The following ZFYVE28 variants were observed in gnomAD, a reference collection of about 807,000 sequenced individuals.
ZFYVE28 encodes lateral signaling target protein 2 homolog.
ZFYVE28 carries 40 observed loss-of-function variants against 82.1 expected under a neutral mutation model. That is an observed-to-expected ratio of 0.49 (90% CI 0.38 to 0.63). The LOEUF is 0.63. Ranked by LOEUF, ZFYVE28 falls within the 30% of genes least tolerant of loss-of-function variation. ZFYVE28 has a pLI of 0.00. For synonymous variants in ZFYVE28, 612 were observed against 546.1 expected, an observed-to-expected ratio of 1.12 and a Z score of -1.68; for missense variants, 1,321 against 1,242.1, an observed-to-expected ratio of 1.06 and a Z score of -0.96.
At chr4:2,286,870 C>T (rs1349000129) in intron 8 of ZFYVE28, 1 of 152,134 alleles carries the variant, frequency 6.6e-6, no homozygotes, top group Non-Finnish European at 1.5e-5. Flanking sequence ...GCGACTGTGA[C>T]CTTTTTTAGA....
intron 6 of ZFYVE28, among the ~76,000 whole-genome samples, chr4:2,334,915 G>A (rs1297731681): frequency 2.9e-5 from 4 of 139,472 alleles, no homozygotes; most frequent in African/African-American, 7.7e-5. Flanking sequence ...TCACTCCTCC[G>A]CCCCCGTGAC....
chr4:2,351,669 G>C (rs111570756), intron 2 of ZFYVE28, among the ~76,000 whole-genome samples: 3 of 152,160 alleles, frequency 2.0e-5, no homozygotes, highest in Non-Finnish European at 4.4e-5. Flanking sequence ...AGCCGAGATC[G>C]TATGACTGCA....
In ZFYVE28 at chr4:2,368,761, T is replaced by A. The variant is rs529593113; in HGVS notation, c.40-14688A>T. Among the ~76,000 whole-genome samples, 5 of 152,366 alleles carry A rather than the reference T, an allele frequency of 3.3e-5. No homozygotes were observed. In the East Asian group the frequency reaches 9.6e-4, roughly 29 times the overall value. ...CACTGCTCCCACCTTTTGGCTACTA[T>A]GAATAGTGCTGCTATAAGCAAGTTT... On this transcript the variant is annotated intron_variant, in intron 1 of 12. Transcript: ENST00000290974.
At chr4:2,302,796 T>C (rs1715773528) in intron 8 of ZFYVE28, among the ~76,000 whole-genome samples, 1 of 152,252 alleles carries the variant, frequency 6.6e-6, no homozygotes, top group East Asian at 1.9e-4. Flanking sequence ...GAACGGCGTG[T>C]TGCCGTGTGC....
chr4:2,320,542 GTA>G lies in ZFYVE28; in HGVS notation c.702-273_702-272del, dbSNP rs1467928403. 6.6e-6 allele frequency among the ~76,000 whole-genome samples: 1 copy of G among 152,248 alleles called. No homozygotes were observed. The highest frequency in any genetic ancestry group is 1.5e-5 in the Non-Finnish European group (1 of 68,048). ...GGGGTCATAAAGTAATCAGAAAAGTGTATCTGCACACATCAGTGCTGCAATCA... is the reference window on the plus strand; with the variant it reads ...GGGGTCATAAAGTAATCAGAAAAGTGTCTGCACACATCAGTGCTGCAATCA... On this transcript the variant is annotated intron_variant, in intron 6 of 12. Transcript: ENST00000290974. The surrounding 1 kb of genome is among the most constrained non-coding windows in gnomAD (Gnocchi z 5.1).
intron 10 of ZFYVE28, among the ~76,000 whole-genome samples, chr4:2,272,704 G>C (rs528398322): frequency 6.6e-6 from 1 of 152,294 alleles, no homozygotes; most frequent in African/African-American, 2.4e-5. Flanking sequence ...AGGCGGGTTC[G>C]GGGTGGGCAG....
At chr4:2,319,854 T>TGGTGGGGATGGTGGGGACGGTGGGGAC (rs1718800381) in intron 7 of ZFYVE28, among the ~76,000 whole-genome samples, 1 of 145,078 alleles carries the variant, frequency 6.9e-6, no homozygotes, top group Non-Finnish European at 1.5e-5. Flanking sequence ...ACGGTGGGGA[T>TGGTGGGGATGGTGGGGACGGTGGGGAC]GGTGGGGACA....
chr4:2,284,204 G>A (rs1029944609), intron 8 of ZFYVE28, among the ~76,000 whole-genome samples: 1 of 152,206 alleles, frequency 6.6e-6, no homozygotes, highest in African/African-American at 2.4e-5. Context: ...GAGTCAGCCA[G>A]CCTGCAAATG....
intron 10 of ZFYVE28, 47 bp from the exon 11 acceptor site, chr4:2,271,826 A>G: frequency 6.4e-7 from 1 of 1,568,792 alleles, no homozygotes; most frequent in Admixed American, 1.7e-5. Context: ...GAGGCGGGCA[A>G]TTGATGCAGG....
chr4:2,399,995 C>G (rs1441626411), intron 1 of ZFYVE28, among the ~76,000 whole-genome samples: 1 of 152,236 alleles, frequency 6.6e-6, no homozygotes, highest in African/African-American at 2.4e-5. Context: ...GTGCCGGCAC[C>G]ACGCAGCACG....
chr4:2,304,877 A>G lies in ZFYVE28; in HGVS notation c.1463T>C (p.Leu488Pro). 1.9e-6 allele frequency: 3 copies of G among 1,612,672 alleles called. No homozygotes were observed. Among genetic ancestry groups the G allele is most frequent in the Non-Finnish European group, 2.5e-6 (3 of 1,179,858 alleles). Reference sequence around the variant, plus strand: ...ATCCGCACCCACCTCCCAGCCGTCCAGGTGCAGCCGCGAGTCCAGGCAGCT... The same window carrying G: ...ATCCGCACCCACCTCCCAGCCGTCCGGGTGCAGCCGCGAGTCCAGGCAGCT... ...SCSCLDSRLH[L>P]DGWEVGADDA... The change falls in exon 8 of 13, where the codon CTG becomes CCG. Residue 488 changes from leucine (L) to proline (P), a missense_variant. Leu to Pro is a moderately conservative substitution (Grantham distance 98). Around this residue, in one of 2 missense-constraint regions of ZFYVE28, gnomAD observed 978 missense variants for 833.7 expected, o/e 1.17. Coordinates refer to ENST00000290974, the MANE Select transcript of ZFYVE28 (RefSeq NM_020972.3).
chr4:2,314,963 A>G (rs1199100664), intron 7 of ZFYVE28, among the ~76,000 whole-genome samples: 1 of 152,130 alleles, frequency 6.6e-6, no homozygotes, highest in African/African-American at 2.4e-5. Context: ...TTTTTTAACT[A>G]GAGAGCCTCA....
At chr4:2,379,334 A>G (rs751960560) in intron 1 of ZFYVE28, among the ~76,000 whole-genome samples, 33 of 152,174 alleles carry the variant, frequency 2.2e-4, no homozygotes, top group Non-Finnish European at 3.4e-4. Flanking sequence ...TGGGCAGTGC[A>G]AGGATTCTCG....
At chr4:2,276,953 T>C (rs1329063875) in intron 8 of ZFYVE28, among the ~76,000 whole-genome samples, 1 of 151,640 alleles carries the variant, frequency 6.6e-6, no homozygotes, top group Non-Finnish European at 1.5e-5. Flanking sequence ...GGCTAAATAG[T>C]AAACTTTATG....
Position 2,341,973 on chromosome 4 carries a change from T to C in ZFYVE28, c.181-358A>G, listed in dbSNP as rs1722892407. Among the ~76,000 whole-genome samples, 1 of 152,204 alleles carries C rather than the reference T, an allele frequency of 6.6e-6. No individual in the cohort carries two copies. The highest frequency in any genetic ancestry group is 2.4e-5 in the African/African-American group (1 of 41,454). On this transcript the variant is annotated intron_variant, in intron 2 of 12. Transcript: ENST00000290974. The surrounding 1 kb of genome is among the most constrained non-coding windows in gnomAD (Gnocchi z 4.5). The stretch of plus-strand genomic sequence containing the variant: ...AGGCAGAGGTTGCAGTGAGCCGAGA[T>C]GGTGCCATCGCACTCCAGCCAGGGC...
intron 7 of ZFYVE28, among the ~76,000 whole-genome samples, chr4:2,318,572 A>C (rs1169099308): frequency 1.3e-5 from 2 of 152,188 alleles, no homozygotes; most frequent in Non-Finnish European, 2.9e-5. Context: ...GAGGAGATGC[A>C]GGCTCATCTG....
At chr4:2,390,562 C>T (rs1056734542) in intron 1 of ZFYVE28, among the ~76,000 whole-genome samples, 2 of 152,146 alleles carry the variant, frequency 1.3e-5, no homozygotes, top group Non-Finnish European at 2.9e-5. Context: ...GCGAGGTGAC[C>T]CGGCCAGGTT....
At chr4:2,393,243 T>C (rs369023497) in intron 1 of ZFYVE28, among the ~76,000 whole-genome samples, 15 of 152,326 alleles carry the variant, frequency 9.8e-5, no homozygotes, top group Non-Finnish European at 2.9e-5. Flanking sequence ...CATTCACCTT[T>C]TCCTTTTCTA....
chr4:2,297,132 T>TTCACTGAA (rs1714703097), intron 8 of ZFYVE28, among the ~76,000 whole-genome samples: 1 of 152,210 alleles, frequency 6.6e-6, no homozygotes, highest in Admixed American at 6.5e-5. Flanking sequence ...CAGCAGCAGG[T>TTCACTGAA]GACTCCCCAC....
Sources: gnomAD v4.1 joint callset for allele counts (sites outside exome capture counted in the v4.1 genomes callset) on GRCh38, gnomAD v4.1.1 for gene constraint, gnomAD v4.1.1 regional missense constraint, Gnocchi (gnomAD v3.1) non-coding constraint, MANE v1.5 for transcripts, NCBI Gene and HGNC (gene_info 2026-07-23, HGNC 2026-07-21) for gene names.